The following LANCL2 variants were observed in gnomAD, a reference collection of about 807,000 sequenced individuals.
LANCL2 encodes the protein lanC-like protein 2.
LANCL2 carries 33 observed loss-of-function variants against 56.9 expected under a neutral mutation model. The observed-to-expected ratio is 0.58, with a 90% CI of 0.44 to 0.78. The LOEUF (loss-of-function observed/expected upper bound fraction) is 0.78, where lower values mean the gene tolerates loss of function less well. LANCL2 is among the 30% of genes least tolerant of loss of function. The pLI, the probability that LANCL2 is intolerant of heterozygous loss-of-function variation, is 0.00. For missense variants in LANCL2, 562 were observed against 580.2 expected, an observed-to-expected ratio of 0.97 and a Z score of 0.32; for synonymous variants, 233 against 228.2, an observed-to-expected ratio of 1.02 and a Z score of -0.19.
chr7:55,398,666 C>A (rs750062472), intron 3 of LANCL2, 36 bp downstream of exon 3: 1 of 1,484,980 alleles, frequency 6.7e-7, no homozygotes, highest in Non-Finnish European at 9.4e-7. Flanking sequence ...TCTCCCAATT[C>A]CCAGTGGAAG....
chr7:55,403,550 T>G (rs1207302541), intron 5 of LANCL2, among the ~76,000 whole-genome samples: 4 of 149,456 alleles, frequency 2.7e-5, no homozygotes, highest in East Asian at 2.0e-4. Flanking sequence ...CTTTTCTGGG[T>G]TTTTTTTGTT....
At chr7:55,422,214 A>G (rs145260793) in intron 6 of LANCL2, among the ~76,000 whole-genome samples, 185 of 152,314 alleles carry the variant, frequency 1.2e-3, no homozygotes, top group African/African-American at 4.3e-3. Flanking sequence ...GTATAGGTTT[A>G]GTGACAACAA....
chr7:55,408,544 C>T (rs886930983), intron 5 of LANCL2, among the ~76,000 whole-genome samples: 14 of 152,108 alleles, frequency 9.2e-5, no homozygotes, highest in Admixed American at 3.3e-4. Context: ...TAGCGGGCAC[C>T]TGCAATCCCA....
chr7:55,377,566 G>T (rs1020256535), intron 1 of LANCL2, among the ~76,000 whole-genome samples: 1 of 151,686 alleles, frequency 6.6e-6, no homozygotes, highest in Non-Finnish European at 1.5e-5. Context: ...TGAAAACATT[G>T]TGAGGAAGAG....
At chr7:55,375,127 A>G (rs532814878) in intron 1 of LANCL2, among the ~76,000 whole-genome samples, 25 of 152,320 alleles carry the variant, frequency 1.6e-4, no homozygotes, top group African/African-American at 5.5e-4. Flanking sequence ...GCTATTTATT[A>G]TGTGCATGTT....
At chr7:55,374,230 C>A (rs1789976005) in intron 1 of LANCL2, among the ~76,000 whole-genome samples, 1 of 152,148 alleles carries the variant, frequency 6.6e-6, no homozygotes, top group Non-Finnish European at 1.5e-5. Flanking sequence ...TGCCATATAT[C>A]CCCTACGAAG....
intron 5 of LANCL2, among the ~76,000 whole-genome samples, chr7:55,403,227 G>A (rs1412822635): frequency 6.6e-6 from 1 of 152,272 alleles, no homozygotes; most frequent in Non-Finnish European, 1.5e-5. Flanking sequence ...GATCACTCGC[G>A]GTTAGGAGCT....
intron 6 of LANCL2, among the ~76,000 whole-genome samples, chr7:55,424,387 G>A (rs935535271): frequency 1.3e-5 from 2 of 152,154 alleles, no homozygotes; most frequent in Non-Finnish European, 2.9e-5. Flanking sequence ...GCTTCCTTGG[G>A]ATGGGTGAAG....
intron 3 of LANCL2, 88 bp from the exon 4 acceptor site, chr7:55,399,869 G>T (rs1583753769): frequency 3.2e-5 from 31 of 971,966 alleles, no homozygotes; most frequent in East Asian, 7.8e-5. Context: ...ATAAATAATA[G>T]GTAATTCCTA....
chr7:55,413,986 G>T (rs1379995966), intron 6 of LANCL2, among the ~76,000 whole-genome samples: 2 of 152,120 alleles, frequency 1.3e-5, no homozygotes, highest in Non-Finnish European at 2.9e-5. Flanking sequence ...AAATGTTCAA[G>T]GTAATGGACA....
chr7:55,397,656 C>CTTTTTTT (rs10659615), intron 2 of LANCL2, among the ~76,000 whole-genome samples: 70 of 108,802 alleles, frequency 6.4e-4, no homozygotes, highest in Non-Finnish European at 9.9e-4. Context: ...TATACTGATT[C>CTTTTTTT]TTTTTTTTTT....
intron 4 of LANCL2, 33 bp downstream of exon 4, chr7:55,400,137 C>CT (rs1790304529): frequency 6.6e-7 from 1 of 1,510,230 alleles, no homozygotes; most frequent in South Asian, 1.4e-5. Flanking sequence ...ATGGGCGTCT[C>CT]TACCATTCAA....
In LANCL2 at chr7:55,425,389, C is replaced by T. The variant is rs374779438; in HGVS notation, c.1144C>T (p.Arg382Cys). The T allele has an allele frequency of 1.7e-5, 28 of 1,614,006 alleles. No homozygotes were observed. The highest frequency in any genetic ancestry group is 1.8e-5 in the Non-Finnish European group (21 of 1,180,030). ...GNGYSFLSLY[R>C]LTQDKKYLYR... ...CGGCTATTCCTTCCTGTCCCTTTACCGTCTCACGCAGGATAAGAAGTACCT... is the reference window on the plus strand; with the variant it reads ...CGGCTATTCCTTCCTGTCCCTTTACTGTCTCACGCAGGATAAGAAGTACCT... Residue 382 changes from arginine to cysteine, a missense_variant, in exon 7 of 9, where the codon CGT (arginine) becomes TGT (cysteine). Coordinates refer to ENST00000254770, the MANE Select transcript of LANCL2 (RefSeq NM_018697.4).
chr7:55,391,474 T>C (rs1419846900), intron 1 of LANCL2, among the ~76,000 whole-genome samples: 1 of 152,202 alleles, frequency 6.6e-6, no homozygotes, highest in Non-Finnish European at 1.5e-5. Context: ...CTTTCTGATG[T>C]TCTTGATCTT....
chr7:55,387,510 C>G (rs548911388), intron 1 of LANCL2, among the ~76,000 whole-genome samples: 2 of 151,138 alleles, frequency 1.3e-5, no homozygotes, highest in South Asian at 4.2e-4. Context: ...AAACGTTGAA[C>G]TTCTGATATA....
intron 5 of LANCL2, among the ~76,000 whole-genome samples, chr7:55,407,212 A>G (rs1374477389): frequency 5.9e-5 from 9 of 152,174 alleles, no homozygotes; most frequent in Non-Finnish European, 1.2e-4. Flanking sequence ...GGAAAGCCAG[A>G]TGTAGAAGAG....
chr7:55,416,679 CT>C (rs1790543509), intron 6 of LANCL2, among the ~76,000 whole-genome samples: 1 of 152,048 alleles, frequency 6.6e-6, no homozygotes, highest in Non-Finnish European at 1.5e-5. Context: ...GTTAAAGTCC[CT>C]CTGTCAGATA....
At position 55,432,155 on chromosome 7, in the gene LANCL2, C is replaced by T. The variant is rs1301496078; in HGVS notation, c.*835C>T. On this transcript the variant is annotated 3_prime_UTR_variant, in exon 9 of 9. Coordinates refer to ENST00000254770, the MANE Select transcript of LANCL2 (RefSeq NM_018697.4). ...GTATATGTTACTAAAACAGGCTCCA[C>T]CTCAGTTTATCAACATTATAAGTTA... 2 of 152,222 alleles carry T rather than the reference C, an allele frequency of 1.3e-5. No homozygotes were observed. Among genetic ancestry groups the T allele is most frequent in the African/African-American group, 4.8e-5 (2 of 41,460 alleles). The allele number at this position is 152,222 out of a possible 1,614,324, so 9.4% of individuals were successfully genotyped here. A position where few individuals can be genotyped will look rare whatever the true frequency, so the allele number is the denominator to read the frequency against.
chr7:55,366,316 C>A, intron 1 of LANCL2, 87 bp downstream of exon 1: 2 of 1,220,562 alleles, frequency 1.6e-6, no homozygotes, highest in Non-Finnish European at 2.2e-6. Flanking sequence ...ACGTCACAGG[C>A]GCGCGCCGGG....
Sources: allele counts gnomAD v4.1 joint callset (sites outside exome capture counted in the v4.1 genomes callset), GRCh38; gene constraint gnomAD v4.1.1; transcripts MANE v1.5; gene names NCBI Gene and HGNC (gene_info 2026-07-23, HGNC 2026-07-21).